FAM135A: variants seen among roughly 807,000 people sequenced by gnomAD.
FAM135A encodes the protein family with sequence similarity 135 member A.
FAM135A carries 79 observed loss-of-function variants against 146.8 expected under a neutral mutation model. The ratio of observed to expected loss-of-function variants is 0.54; its 90% CI spans 0.45 to 0.65. FAM135A has a LOEUF of 0.65. Among genes scored for constraint, FAM135A ranks in the 30% least tolerant of loss-of-function variants. FAM135A has a pLI of 0.00. For synonymous variants in FAM135A, 562 were observed against 603.6 expected, an observed-to-expected ratio of 0.93 and a Z score of 1.01; for missense variants, 1,623 against 1,758.2, an observed-to-expected ratio of 0.92 and a Z score of 1.38.
intron 16 of FAM135A, among the ~76,000 whole-genome samples, chr6:70,529,940 T>C (rs903210409): frequency 6.6e-6 from 1 of 152,090 alleles, no homozygotes; most frequent in Non-Finnish European, 1.5e-5. Flanking sequence ...GGCGGGCGCC[T>C]GTAGTCCCAG....
chr6:70,499,855 T>C (rs1242050949), intron 11 of FAM135A, among the ~76,000 whole-genome samples: 1 of 152,268 alleles, frequency 6.6e-6, no homozygotes, highest in Non-Finnish European at 1.5e-5. Context: ...GCTATTATTC[T>C]GCTGGGCTTC....
At chr6:70,444,140 C>T (rs1334947415) in intron 4 of FAM135A, among the ~76,000 whole-genome samples, 1 of 152,122 alleles carries the variant, frequency 6.6e-6, no homozygotes, top group Admixed American at 6.5e-5. Context: ...TGCGGTGGCT[C>T]ACGCCTGTAA....
intron 5 of FAM135A, among the ~76,000 whole-genome samples, chr6:70,469,430 G>A (rs1020589734): frequency 1.3e-5 from 2 of 152,196 alleles, no homozygotes; most frequent in African/African-American, 4.8e-5. Flanking sequence ...ATCATTCACA[G>A]CAATTTAGAA....
At chr6:70,470,658 C>T (rs755783594) in intron 5 of FAM135A, among the ~76,000 whole-genome samples, 19 of 152,182 alleles carry the variant, frequency 1.2e-4, no homozygotes, top group Non-Finnish European at 2.2e-4. Flanking sequence ...CACCCAGTCC[C>T]TACTATCACT....
At chr6:70,539,298 C>CT (rs1019667802) in intron 20 of FAM135A, among the ~76,000 whole-genome samples, 1 of 151,190 alleles carries the variant, frequency 6.6e-6, no homozygotes, top group Admixed American at 6.6e-5. Context: ...GTTTGGCAAA[C>CT]TTTTTTTTAA....
chr6:70,470,557 A>G (rs1409975785), intron 5 of FAM135A, among the ~76,000 whole-genome samples: 2 of 152,130 alleles, frequency 1.3e-5, no homozygotes, highest in East Asian at 3.9e-4. Context: ...GGATTTCGCC[A>G]TGTTGGCCAG....
chr6:70,553,432 T>C (rs1800220686), intron 20 of FAM135A, among the ~76,000 whole-genome samples: 1 of 152,228 alleles, frequency 6.6e-6, no homozygotes, highest in African/African-American at 2.4e-5. Flanking sequence ...CTTGATAAGT[T>C]CCTAGTTCCC....
At position 70,524,730 on chromosome 6, in the gene FAM135A, G is replaced by T; in HGVS notation, c.1646G>T (p.Gly549Val). 6.5e-7 allele frequency: 1 copy of T among 1,549,776 alleles called. No individual in the cohort carries two copies. Among genetic ancestry groups the T allele is most frequent in the Non-Finnish European group, 8.7e-7 (1 of 1,146,432 alleles). Residue 549 changes from glycine to valine, a missense_variant, in exon 15 of 22, where the codon GGT becomes GTT. By Grantham distance (109) the Gly-to-Val change is moderately radical (BLOSUM62 -3). This residue lies in a region of FAM135A where 1,061 missense variants were observed against 1,113.8 expected (regional missense o/e 0.95). Coordinates refer to ENST00000418814, the MANE Select transcript of FAM135A (RefSeq NM_001162529.3). ...AATCCTTCACATAGTCAGAAGGAAG[G>T]TCTGGATCCCACAATATGTGGATAT... ...EGNPSHSQKE[G>V]LDPTICGYNF...
At chr6:70,447,199 G>A (rs1275024569) in intron 4 of FAM135A, among the ~76,000 whole-genome samples, 6 of 152,276 alleles carry the variant, frequency 3.9e-5, no homozygotes, top group African/African-American at 9.6e-5. Context: ...CAGGTATGAC[G>A]TTTATCAGTA....
intron 1 of FAM135A, chr6:70,414,041 C>T: frequency 1.0e-6 from 1 of 985,752 alleles, no homozygotes; most frequent in Non-Finnish European, 1.2e-6. Flanking sequence ...GCTCCATCTT[C>T]GTCGCTCTGT....
At chr6:70,540,228 A>G (rs75589353) in intron 20 of FAM135A, among the ~76,000 whole-genome samples, 18,593 of 151,546 alleles carry the variant, frequency 0.12, 1,438 homozygotes, top group Middle Eastern at 0.19. Context: ...ATTTCAGCCA[A>G]CGTTCCATTC....
At chr6:70,469,135 C>G (rs986536093) in intron 5 of FAM135A, among the ~76,000 whole-genome samples, 9 of 152,148 alleles carry the variant, frequency 5.9e-5, no homozygotes, top group Middle Eastern at 3.2e-3. Flanking sequence ...CTCTATCACA[C>G]CACTCCGTTA....
At chr6:70,473,265 G>A (rs530892562) in intron 5 of FAM135A, among the ~76,000 whole-genome samples, 10 of 152,110 alleles carry the variant, frequency 6.6e-5, no homozygotes, top group Non-Finnish European at 1.2e-4. Context: ...GCCAGCTTTG[G>A]AACCAACCAT....
At chr6:70,434,222 A>G (rs1279855132) in intron 4 of FAM135A, among the ~76,000 whole-genome samples, 2 of 152,256 alleles carry the variant, frequency 1.3e-5, no homozygotes, top group African/African-American at 2.4e-5. Flanking sequence ...TTAAATAGAC[A>G]CAGAAACATT....
In FAM135A at chr6:70,533,141, A is replaced by G. The variant is rs748468567; in HGVS notation, c.3776-19A>G. ...TTTTACTTTATCTCATCCTTTAAAC[A>G]TCATTTTTCATTTTTTAGGAAACAG... On this transcript the variant is annotated intron_variant, in intron 16 of 21. Transcript: ENST00000418814. The G allele has an allele frequency of 6.3e-7, 1 of 1,590,436 alleles. No individual in the cohort carries two copies. The highest frequency in any genetic ancestry group is 8.6e-7 in the Non-Finnish European group (1 of 1,159,454).
rs142072551 is a variant in FAM135A at position 70,525,626 on chromosome 6, G to A, written c.2542G>A (p.Glu848Lys). ...TSINSLPSDDELSPDENSKKS... is the reference protein window; with the variant it reads ...TSINSLPSDDKLSPDENSKKS... The stretch of plus-strand genomic sequence containing the variant: ...CATAAACTCTCTACCCTCCGATGAT[G>A]AACTGTCACCTGATGAAAATTCTAA... Residue 848 changes from glutamate (E) to lysine (K), a missense_variant, in exon 15 of 22, where the codon GAA becomes AAA. This residue lies in a region of FAM135A where 1,061 missense variants were observed against 1,113.8 expected (regional missense o/e 0.95). Transcript: ENST00000418814. The A allele has an allele frequency of 1.9e-6, 3 of 1,613,304 alleles. No individual in the cohort carries two copies. Among genetic ancestry groups the A allele is most frequent in the Admixed American group, 1.7e-5 (1 of 59,968 alleles).
intron 1 of FAM135A, chr6:70,414,141 C>T: frequency 1.5e-6 from 1 of 672,066 alleles, no homozygotes; most frequent in Non-Finnish European, 1.8e-6. Flanking sequence ...TGGGAAGCAG[C>T]GTATCTCTGT....
In FAM135A at chr6:70,489,576, A is replaced by C. The variant is rs560316897; in HGVS notation, c.824-1458A>C. On this transcript the variant is annotated intron_variant, in intron 10 of 21. Coordinates refer to ENST00000418814, the MANE Select transcript of FAM135A (RefSeq NM_001162529.3). ...AGCAGCAGAATTTATTTAAAGAGAC[A>C]GTAGTATACTCTGAAAGATAAAGCA... 2.6e-5 allele frequency among the ~76,000 whole-genome samples: 4 copies of C among 152,322 alleles called. No individual in the cohort carries two copies. In the South Asian group the frequency reaches 8.3e-4, roughly 32 times the overall value.
chr6:70,520,394 C>A (rs1182637586), intron 12 of FAM135A, among the ~76,000 whole-genome samples: 5 of 151,982 alleles, frequency 3.3e-5, no homozygotes, highest in Admixed American at 2.6e-4. Flanking sequence ...CAGATATAGA[C>A]CCTGCACTCA....
Sources: allele counts gnomAD v4.1 joint callset (sites outside exome capture counted in the v4.1 genomes callset), GRCh38; gene constraint gnomAD v4.1.1; regional missense constraint gnomAD v4.1.1; transcripts MANE v1.5; gene names NCBI Gene and HGNC (gene_info 2026-07-23, HGNC 2026-07-21).